IMMP2L: variants seen among roughly 807,000 people sequenced by gnomAD.
The protein encoded by IMMP2L is inner mitochondrial membrane peptidase subunit 2.
A neutral mutation model predicts 19.3 loss-of-function variants in IMMP2L; 18 were observed. The ratio of observed to expected loss-of-function variants is 0.93; its 90% CI spans 0.64 to 1.38. The LOEUF (loss-of-function observed/expected upper bound fraction) is 1.38. Among genes scored for constraint, IMMP2L ranks in the 40% most tolerant of loss-of-function variants. The probability of loss-of-function intolerance (pLI) is 0.00; values close to 1 mark genes in which losing one functional copy is unlikely to be tolerated. For missense variants in IMMP2L, 233 were observed against 218.2 expected (o/e 1.07, Z -0.43); for synonymous variants, 76 against 73.0 (o/e 1.04, Z -0.21).
intron 3 of IMMP2L, among the ~76,000 whole-genome samples, chr7:111,307,040 T>A (rs115091655): frequency 0.023 from 3,427 of 149,874 alleles, 135 homozygotes; most frequent in African/African-American, 0.079. Flanking sequence ...TCTATTTTCT[T>A]TATATAGTCC....
intron 3 of IMMP2L, chr7:111,122,923 T>C: frequency 6.2e-7 from 1 of 1,614,074 alleles, no homozygotes; most frequent in Non-Finnish European, 8.5e-7. Flanking sequence ...TATGGAAGCA[T>C]CTACAGTGGA....
intron 1 of IMMP2L, among the ~76,000 whole-genome samples, chr7:111,527,390 C>T (rs1846973029): frequency 7.1e-6 from 1 of 140,638 alleles, no homozygotes; most frequent in African/African-American, 2.6e-5. Flanking sequence ...ACACTACAGC[C>T]TAGGTGACCA....
At chr7:111,497,081 C>T (rs1843665281) in intron 2 of IMMP2L, among the ~76,000 whole-genome samples, 1 of 152,016 alleles carries the variant, frequency 6.6e-6, no homozygotes, top group Non-Finnish European at 1.5e-5. Flanking sequence ...CAGAATTACA[C>T]TAGGTTGTTA....
intron 3 of IMMP2L, among the ~76,000 whole-genome samples, chr7:111,363,231 C>G (rs1829428234): frequency 6.6e-6 from 1 of 152,018 alleles, no homozygotes; most frequent in South Asian, 2.1e-4. Flanking sequence ...CCTTGCTACT[C>G]AAAGTATGGA....
intron 5 of IMMP2L, among the ~76,000 whole-genome samples, chr7:110,788,758 C>A (rs1800260721): frequency 6.6e-6 from 1 of 151,688 alleles, no homozygotes; most frequent in Non-Finnish European, 1.5e-5. Context: ...ATTGTGTAGT[C>A]CAAAGAGGGC....
chr7:111,486,309 G>T (rs1842650205), intron 3 of IMMP2L, among the ~76,000 whole-genome samples: 1 of 152,146 alleles, frequency 6.6e-6, no homozygotes, highest in South Asian at 2.1e-4. Context: ...CCAAAGGTAA[G>T]TACAAATAAG....
chr7:110,988,270 C>G (rs1822063543), intron 3 of IMMP2L, among the ~76,000 whole-genome samples: 1 of 152,182 alleles, frequency 6.6e-6, no homozygotes, highest in Non-Finnish European at 1.5e-5. Context: ...TATGCAGGAG[C>G]TGGGTTGTCA....
chr7:110,681,604 T>C (rs978479095), intron 5 of IMMP2L, among the ~76,000 whole-genome samples: 2 of 152,114 alleles, frequency 1.3e-5, no homozygotes, highest in African/African-American at 4.8e-5. Context: ...AGAAATGTGG[T>C]TACTCTTTTT....
chr7:111,375,078 C>T (rs1830566207), intron 3 of IMMP2L, among the ~76,000 whole-genome samples: 1 of 151,932 alleles, frequency 6.6e-6, no homozygotes, highest in South Asian at 2.1e-4. Flanking sequence ...AGGAGGTGCT[C>T]AGAAAGAGAG....
chr7:111,215,172 CA>C (rs931915747), intron 3 of IMMP2L, among the ~76,000 whole-genome samples: 4 of 151,984 alleles, frequency 2.6e-5, no homozygotes, highest in African/African-American at 9.7e-5. Context: ...AAGAAAAAAA[CA>C]AAAACAAAAA....
In IMMP2L at chr7:111,031,345, G is replaced by C. The variant is rs1790787384; in HGVS notation, c.240-67780C>G. On this transcript the variant is annotated intron_variant, in intron 3 of 5. Transcript: ENST00000405709. ...ACAGGAAATATAAAAAGTGAGCCTG[G>C]AACATTTTGTAGTGCTAGAAAATAA... Among the ~76,000 whole-genome samples, 2 of 149,224 alleles carry C rather than the reference G, an allele frequency of 1.3e-5. 1 individual carries two copies. Among genetic ancestry groups the C allele is most frequent in the Non-Finnish European group, 3.0e-5 (2 of 67,228 alleles).
intron 3 of IMMP2L, among the ~76,000 whole-genome samples, chr7:111,357,628 G>C (rs916396978): frequency 9.9e-5 from 15 of 152,088 alleles, no homozygotes; most frequent in Middle Eastern, 3.4e-3. Flanking sequence ...CATTTATATA[G>C]CTGGGAACAT....
At chr7:110,930,214 T>A (rs1815315905) in intron 4 of IMMP2L, among the ~76,000 whole-genome samples, 1 of 152,184 alleles carries the variant, frequency 6.6e-6, no homozygotes. Context: ...TTGGTACAAT[T>A]ATTTGGAAAG....
At chr7:111,537,460 A>G (rs1847987890) in intron 1 of IMMP2L, among the ~76,000 whole-genome samples, 1 of 151,890 alleles carries the variant, frequency 6.6e-6, no homozygotes, top group Non-Finnish European at 1.5e-5. Flanking sequence ...CTATAGGATA[A>G]TATCAAGCTG....
intron 3 of IMMP2L, among the ~76,000 whole-genome samples, chr7:111,331,474 T>C (rs1481191217): frequency 6.6e-6 from 1 of 151,828 alleles, no homozygotes; most frequent in Non-Finnish European, 1.5e-5. Flanking sequence ...AGGAGAAATA[T>C]GCTTTTTTTA....
At chr7:111,076,979 T>C (rs1320745345) in intron 3 of IMMP2L, among the ~76,000 whole-genome samples, 1 of 152,302 alleles carries the variant, frequency 6.6e-6, no homozygotes, top group East Asian at 1.9e-4. Flanking sequence ...AGGTCTCTCC[T>C]CCAACTAGGG....
intron 5 of IMMP2L, among the ~76,000 whole-genome samples, chr7:110,880,577 C>T (rs1809538213): frequency 6.6e-6 from 1 of 151,874 alleles, no homozygotes; most frequent in East Asian, 1.9e-4. Context: ...CAATAGTAGA[C>T]TTTTTTTGTC....
intron 3 of IMMP2L, among the ~76,000 whole-genome samples, chr7:111,275,441 C>T (rs1032753154): frequency 1.3e-5 from 2 of 152,152 alleles, no homozygotes; most frequent in Non-Finnish European, 2.9e-5. Flanking sequence ...TGGGCTACTT[C>T]CTACAAGTAA....
At chr7:111,483,564 A>C (rs1842374110) in intron 3 of IMMP2L, 1 of 152,174 alleles carries the variant, frequency 6.6e-6, no homozygotes, top group Non-Finnish European at 1.5e-5. Context: ...AACTTTTTAC[A>C]GAAAGAAAGA....
Sources: allele counts gnomAD v4.1 joint callset (sites outside exome capture counted in the v4.1 genomes callset), GRCh38; gene constraint gnomAD v4.1.1; transcripts MANE v1.5; gene names NCBI Gene and HGNC (gene_info 2026-07-23, HGNC 2026-07-21).